Variants in BTBD9 observed in about 807,000 individuals in gnomAD.
BTBD9 encodes BTB/POZ domain-containing protein 9.
Under a neutral mutation model 64.3 loss-of-function variants are expected in BTBD9, and 49 were observed. The observed-to-expected ratio is 0.76, with a 90% CI of 0.61 to 0.97. BTBD9 has a LOEUF of 0.97. BTBD9 is among the 50% of genes least tolerant of loss of function. The pLI, the probability that BTBD9 is intolerant of heterozygous loss-of-function variation, is 0.00. For missense variants in BTBD9, 598 were observed against 762.1 expected (o/e 0.78, Z 2.53); for synonymous variants, 260 against 274.7 (o/e 0.95, Z 0.53).
intron 6 of BTBD9, among the ~76,000 whole-genome samples, chr6:38,406,178 C>T (rs922541395): frequency 6.6e-6 from 1 of 152,286 alleles, no homozygotes; most frequent in Non-Finnish European, 1.5e-5. Flanking sequence ...AGGACAGGGA[C>T]CTAGCACCTT....
intron 6 of BTBD9, among the ~76,000 whole-genome samples, chr6:38,484,669 T>C (rs1248451264): frequency 3.3e-5 from 5 of 152,238 alleles, no homozygotes; most frequent in Non-Finnish European, 4.4e-5. Flanking sequence ...TCTCAGTGCA[T>C]ATAAAAATTA....
chr6:38,579,515 G>C (rs1289626722), intron 5 of BTBD9, among the ~76,000 whole-genome samples: 1 of 152,168 alleles, frequency 6.6e-6, no homozygotes, highest in Non-Finnish European at 1.5e-5. Context: ...ACAGTGGCTG[G>C]AAGAAAGGCA....
intron 6 of BTBD9, among the ~76,000 whole-genome samples, chr6:38,495,356 C>T (rs1771904382): frequency 6.6e-6 from 1 of 152,196 alleles, no homozygotes; most frequent in Admixed American, 6.5e-5. Context: ...TTCTCTTCTC[C>T]ATCTATTCTT....
chr6:38,448,760 C>T (rs998894376), intron 6 of BTBD9, among the ~76,000 whole-genome samples: 1 of 152,150 alleles, frequency 6.6e-6, no homozygotes, highest in East Asian at 1.9e-4. Flanking sequence ...TCAAGTGATC[C>T]GCCTGCCTCG....
intron 6 of BTBD9, among the ~76,000 whole-genome samples, chr6:38,503,739 CCAA>C (rs1772321496): frequency 1.3e-5 from 2 of 152,174 alleles, no homozygotes; most frequent in Admixed American, 6.5e-5. Flanking sequence ...GCATCACACG[CCAA>C]CAATAATGCA....
intron 6 of BTBD9, among the ~76,000 whole-genome samples, chr6:38,417,802 A>AGAGAGAGAGAGAGAGAGAGAGAGAG (rs55963730): frequency 2.0e-5 from 2 of 102,434 alleles, no homozygotes; most frequent in African/African-American, 9.1e-5. Flanking sequence ...GAGAGAGAGA[A>AGAGAGAGAGAGAGAGAGAGAGAGAG]AAAAAATATT....
chr6:38,411,153 TA>T (rs1767409073), intron 6 of BTBD9, among the ~76,000 whole-genome samples: 1 of 152,188 alleles, frequency 6.6e-6, no homozygotes, highest in South Asian at 2.1e-4. Flanking sequence ...CACTACTCTC[TA>T]ATTCTAATTA....
chr6:38,599,759 G>A (rs1200262475), intron 1 of BTBD9, among the ~76,000 whole-genome samples: 1 of 152,224 alleles, frequency 6.6e-6, no homozygotes, highest in Non-Finnish European at 1.5e-5. Context: ...TGCAATGGAA[G>A]ATCTTCATGG....
At chr6:38,614,276 T>C (rs1777717732) in intron 1 of BTBD9, among the ~76,000 whole-genome samples, 1 of 152,158 alleles carries the variant, frequency 6.6e-6, no homozygotes, top group Non-Finnish European at 1.5e-5. Flanking sequence ...ACCGCCCCTA[T>C]CATACCTTGC....
intron 4 of BTBD9, among the ~76,000 whole-genome samples, chr6:38,581,448 G>A (rs1006070144): frequency 1.3e-5 from 2 of 152,122 alleles, no homozygotes; most frequent in Admixed American, 6.5e-5. Context: ...AATGAAAATT[G>A]ATAGTCTGTC....
intron 9 of BTBD9, among the ~76,000 whole-genome samples, chr6:38,240,913 C>T (rs910139724): frequency 3.3e-5 from 5 of 152,084 alleles, no homozygotes; most frequent in Non-Finnish European, 7.3e-5. Context: ...AGTGGTGCTC[C>T]GAGAACACCA....
At chr6:38,372,911 G>GT (rs1320141296) in intron 6 of BTBD9, among the ~76,000 whole-genome samples, 2 of 152,150 alleles carry the variant, frequency 1.3e-5, no homozygotes, top group Admixed American at 6.5e-5. Context: ...TTTTTGCCCT[G>GT]TTTGCTTCTC....
At position 38,505,964 on chromosome 6, in the gene BTBD9, C is replaced by CAA. The variant is rs59014161; in HGVS notation, c.1154+71634_1154+71635dup. 2.9e-3 allele frequency among the ~76,000 whole-genome samples: 242 copies of CAA among 82,652 alleles called. 7 individuals carry two copies. The Middle Eastern group carries it at 0.038, about 13-fold the overall frequency. 54.2% of individuals were successfully genotyped at this position (82,652 alleles called of 152,430 possible). On this transcript the variant is annotated intron_variant, in intron 6 of 10. Transcript: ENST00000481247. ...TGGCAACAGCATGGCTCCGTCTCAA[C>CAA]AAAAAAAAAAAAAAAAAAAAGGAAC...
At chr6:38,638,095 T>C (rs968162594) in intron 1 of BTBD9, among the ~76,000 whole-genome samples, 24 of 152,210 alleles carry the variant, frequency 1.6e-4, no homozygotes, top group African/African-American at 5.3e-4. Flanking sequence ...TCCTGGTTTA[T>C]TTCCTAACAA....
intron 7 of BTBD9, among the ~76,000 whole-genome samples, chr6:38,329,977 T>C (rs1488288433): frequency 7.9e-5 from 12 of 152,092 alleles, no homozygotes; most frequent in Non-Finnish European, 1.5e-5. Context: ...TACTTAGTAT[T>C]ACTGAGACTG....
intron 6 of BTBD9, among the ~76,000 whole-genome samples, chr6:38,389,427 G>A (rs1476728970): frequency 6.6e-6 from 1 of 152,178 alleles, no homozygotes; most frequent in Non-Finnish European, 1.5e-5. Context: ...TAACCCTTCA[G>A]CATCAAAGAT....
intron 8 of BTBD9, among the ~76,000 whole-genome samples, chr6:38,286,474 T>A (rs574966933): frequency 6.6e-6 from 1 of 152,286 alleles, no homozygotes; most frequent in African/African-American, 2.4e-5. Context: ...TGCCAATACC[T>A]TTACTCCAGG....
At chr6:38,636,353 A>G (rs1778526267) in intron 1 of BTBD9, among the ~76,000 whole-genome samples, 1 of 152,190 alleles carries the variant, frequency 6.6e-6, no homozygotes, top group South Asian at 2.1e-4. Flanking sequence ...ACCATCTCAT[A>G]AACTCTGAAG....
chr6:38,319,998 A>G (rs1051886042), intron 7 of BTBD9, among the ~76,000 whole-genome samples: 9 of 152,122 alleles, frequency 5.9e-5, no homozygotes, highest in Admixed American at 5.9e-4. Flanking sequence ...CCCTCTGGCA[A>G]GGGCTTGTCT....
Sources: gnomAD v4.1 joint callset for allele counts (sites outside exome capture counted in the v4.1 genomes callset) on GRCh38, gnomAD v4.1.1 for gene constraint, MANE v1.5 for transcripts, NCBI Gene and HGNC (gene_info 2026-07-23, HGNC 2026-07-21) for gene names.